Variants in NEK7 observed in about 807,000 individuals in gnomAD.
NEK7 encodes NIMA related kinase 7, also known as serine/threonine-protein kinase Nek7.
A neutral mutation model predicts 44.6 loss-of-function variants in NEK7; 18 were observed. The ratio of observed to expected loss-of-function variants is 0.40; its 90% CI spans 0.28 to 0.60. The LOEUF (loss-of-function observed/expected upper bound fraction) is 0.60. NEK7 is among the 20% of genes least tolerant of loss of function. The pLI, the probability that NEK7 is intolerant of heterozygous loss-of-function variation, is 0.38. For missense variants in NEK7, 256 were observed against 366.5 expected (o/e 0.70, Z 2.46); for synonymous variants, 130 against 121.1 (o/e 1.07, Z -0.48).
chr1:198,217,635 G>A (rs116463858), intron 1 of NEK7, among the ~76,000 whole-genome samples: 2,387 of 152,038 alleles, frequency 0.016, 21 homozygotes, highest in Non-Finnish European at 0.024. Flanking sequence ...TTGGAAAAGA[G>A]GAAGCCAAAC....
chr1:198,310,065 G>A (rs1235817874), intron 9 of NEK7, among the ~76,000 whole-genome samples: 4 of 151,814 alleles, frequency 2.6e-5, no homozygotes, highest in African/African-American at 7.3e-5. Context: ...CACCAACAGT[G>A]TAAAAGTGTT....
chr1:198,278,622 A>G (rs1654094995), intron 6 of NEK7, among the ~76,000 whole-genome samples: 1 of 151,880 alleles, frequency 6.6e-6, no homozygotes, highest in African/African-American at 2.4e-5. Context: ...TTTTATTAAG[A>G]TATTTTATTT....
intron 1 of NEK7, among the ~76,000 whole-genome samples, chr1:198,214,395 C>A (rs1239554711): frequency 1.3e-5 from 2 of 151,974 alleles, no homozygotes; most frequent in Non-Finnish European, 2.9e-5. Context: ...CAAGGAGATA[C>A]AAGAGAGAGA....
intron 1 of NEK7, among the ~76,000 whole-genome samples, chr1:198,190,391 T>C (rs2102765312): frequency 6.6e-6 from 1 of 152,198 alleles, no homozygotes; most frequent in South Asian, 2.1e-4. Flanking sequence ...AGAGGTGGAA[T>C]TTTTATGCCA....
At chr1:198,212,749 A>T (rs1408471106) in intron 1 of NEK7, among the ~76,000 whole-genome samples, 1 of 152,196 alleles carries the variant, frequency 6.6e-6, no homozygotes, top group African/African-American at 2.4e-5. Context: ...CAAGCAGAAA[A>T]TCTGCTGTCA....
At chr1:198,306,672 C>A (rs1203909370) in intron 9 of NEK7, among the ~76,000 whole-genome samples, 3 of 152,096 alleles carry the variant, frequency 2.0e-5, no homozygotes, top group Non-Finnish European at 4.4e-5. Flanking sequence ...TTTAGTCTTA[C>A]AAGAGACTAT....
At chr1:198,194,341 TA>T (rs1263708538) in intron 1 of NEK7, among the ~76,000 whole-genome samples, 2 of 151,880 alleles carry the variant, frequency 1.3e-5, no homozygotes, top group African/African-American at 4.8e-5. Flanking sequence ...AGGTTTCTTA[TA>T]TAGGTAAACT....
At chr1:198,310,950 AG>A (rs937101586) in intron 9 of NEK7, among the ~76,000 whole-genome samples, 16 of 148,840 alleles carry the variant, frequency 1.1e-4, no homozygotes, top group Non-Finnish European at 3.0e-5. Context: ...TGAACTTTGA[AG>A]TAGTTTTTTC....
intron 1 of NEK7, among the ~76,000 whole-genome samples, chr1:198,182,914 A>G (rs917334045): frequency 6.6e-6 from 1 of 152,186 alleles, no homozygotes; most frequent in Non-Finnish European, 1.5e-5. Context: ...TAGTGCCACT[A>G]GAGTATACCA....
intron 7 of NEK7, among the ~76,000 whole-genome samples, chr1:198,284,087 T>C (rs1027792868): frequency 6.6e-6 from 1 of 152,148 alleles, no homozygotes; most frequent in Non-Finnish European, 1.5e-5. Flanking sequence ...ATCATAGTTC[T>C]TTACAGTTTG....
chr1:198,174,777 G>A (rs142090864), intron 1 of NEK7, among the ~76,000 whole-genome samples: 20 of 151,674 alleles, frequency 1.3e-4, no homozygotes, highest in Middle Eastern at 3.4e-3. Context: ...TTTTGGGGGG[G>A]GACAGGGTCT....
chr1:198,197,744 T>G (rs1665285945), intron 1 of NEK7: 2 of 628,580 alleles, frequency 3.2e-6, no homozygotes, highest in Non-Finnish European at 3.0e-6. Context: ...AGAACAGAAC[T>G]GGTGAGACTT....
chr1:198,259,340 T>G (rs1558083102), intron 3 of NEK7, among the ~76,000 whole-genome samples: 1 of 152,150 alleles, frequency 6.6e-6, no homozygotes, highest in African/African-American at 2.4e-5. Context: ...CATTGATTAC[T>G]GAGAGATTAA....
chr1:198,224,369 G>A (rs1021493620), intron 1 of NEK7, among the ~76,000 whole-genome samples: 5 of 152,146 alleles, frequency 3.3e-5, no homozygotes, highest in Non-Finnish European at 4.4e-5. Context: ...TAGCCTAAGA[G>A]CAATAGGTTA....
chr1:198,231,265 CTA>C (rs1326268079), intron 1 of NEK7, among the ~76,000 whole-genome samples: 1 of 118,954 alleles, frequency 8.4e-6, no homozygotes, highest in African/African-American at 3.3e-5. Flanking sequence ...GTGCAGATAC[CTA>C]TATGTGTGTG....
At chr1:198,164,564 A>G (rs1664208292) in intron 1 of NEK7, among the ~76,000 whole-genome samples, 2 of 152,224 alleles carry the variant, frequency 1.3e-5, no homozygotes. Flanking sequence ...TTAGAGTTAC[A>G]CTATACTGTA....
At chr1:198,205,324 A>G (rs1256993394) in intron 1 of NEK7, among the ~76,000 whole-genome samples, 1 of 152,232 alleles carries the variant, frequency 6.6e-6, no homozygotes, top group African/African-American at 2.4e-5. Context: ...TTAAATGAAA[A>G]TACTGTGCCA....
intron 1 of NEK7, chr1:198,221,088 A>G (rs970675736): frequency 6.6e-6 from 1 of 152,108 alleles, no homozygotes; most frequent in African/African-American, 2.4e-5. Flanking sequence ...CTGAAGCTCT[A>G]TTTGAAATCT....
chr1:198,159,263 A>G (rs1664022212), intron 1 of NEK7, among the ~76,000 whole-genome samples: 1 of 151,846 alleles, frequency 6.6e-6, no homozygotes, highest in South Asian at 2.1e-4. Flanking sequence ...ATGTCTGCGG[A>G]AGGGGCGCCA....
Sources: gnomAD v4.1 joint callset for allele counts (sites outside exome capture counted in the v4.1 genomes callset) on GRCh38, gnomAD v4.1.1 for gene constraint, MANE v1.5 for transcripts, NCBI Gene and HGNC (gene_info 2026-07-23, HGNC 2026-07-21) for gene names.